ABCB7: variants seen among roughly 807,000 people sequenced by gnomAD.
ABCB7 encodes iron-sulfur clusters transporter ABCB7, mitochondrial.
A neutral mutation model predicts 54.4 loss-of-function variants in ABCB7; 7 were observed. The ratio of observed to expected loss-of-function variants is 0.13; its 90% CI spans 0.07 to 0.24. The LOEUF (loss-of-function observed/expected upper bound fraction) is 0.24, where lower values mean the gene tolerates loss of function less well. Among genes scored for constraint, ABCB7 ranks in the 10% least tolerant of loss-of-function variants. ABCB7 has a pLI of 1.00. For synonymous variants in ABCB7, 218 were observed against 207.1 expected (o/e 1.05, Z -0.45); for missense variants, 356 against 570.4 (o/e 0.62, Z 3.83).
At chrX:75,088,861 A>C (rs1027062515) in intron 4 of ABCB7, among the ~76,000 whole-genome samples, 1 of 108,919 alleles carries the variant, frequency 9.2e-6, no homozygotes, top group East Asian at 2.9e-4. Context: ...AAAAAAACAC[A>C]ACAACAACAA....
chrX:75,087,395 T>A (rs1001515849), intron 4 of ABCB7, among the ~76,000 whole-genome samples: 1 of 112,301 alleles, frequency 8.9e-6, no homozygotes, highest in African/African-American at 3.2e-5. Flanking sequence ...ACAAAGCAGT[T>A]ATGTAAGTTG....
rs150350663 is a variant in ABCB7, at chrX:75,122,401, T to C, written c.169-7570A>G. 1.7e-4 allele frequency among the ~76,000 whole-genome samples: 13 copies of C among 78,502 alleles called. No individual in the cohort carries two copies. In the East Asian group the frequency reaches 3.6e-3, roughly 22 times the overall value. 68.2% of individuals were successfully genotyped at this position (78,502 alleles called of 115,157 possible). ...TCTTGTTTAGCATATAATCAAGAAATAACCATAAAAATGGGCGAGCAGCAG... is the reference window on the plus strand; with the variant it reads ...TCTTGTTTAGCATATAATCAAGAAACAACCATAAAAATGGGCGAGCAGCAG... On this transcript the variant is annotated intron_variant, in intron 1 of 15. Coordinates refer to ENST00000373394, the MANE Select transcript of ABCB7 (RefSeq NM_001271696.3).
In ABCB7 at chrX:75,053,428, T is replaced by G. The variant is rs1434162226; in HGVS notation, c.2201A>C (p.Lys734Thr). 5.0e-6 allele frequency: 6 copies of G among 1,209,709 alleles called. No homozygotes were observed. The highest frequency in any genetic ancestry group is 6.7e-6 in the Non-Finnish European group (6 of 894,636). ...KENISKEEER[K>T]KLQEEIVNSV... ...ATTGACAATTTCTTCTTGTAGTTTC[T>G]TTCTTTCCTCCTCTTTGGATATATT... The change falls in exon 16 of 16, where the codon AAG (lysine) becomes ACG (threonine). Residue 734 changes from lysine to threonine, a missense_variant. By Grantham distance (78) the Lys-to-Thr change is moderately conservative. Around this residue, in one of 2 missense-constraint regions of ABCB7, gnomAD observed 241 missense variants for 470.9 expected, o/e 0.51. Coordinates refer to ENST00000373394, the MANE Select transcript of ABCB7 (RefSeq NM_001271696.3).
intron 4 of ABCB7, among the ~76,000 whole-genome samples, chrX:75,088,309 G>A (rs1203079015): frequency 1.8e-5 from 2 of 112,533 alleles, no homozygotes; most frequent in Non-Finnish European, 3.8e-5. Context: ...GCAAAGAAGA[G>A]TCTGAATAGA....
intron 14 of ABCB7, among the ~76,000 whole-genome samples, chrX:75,060,576 T>G (rs1473409569): frequency 3.6e-5 from 4 of 111,493 alleles, no homozygotes; most frequent in African/African-American, 6.5e-5. Flanking sequence ...TAGGCAACAT[T>G]TCTCCAAGTT....
rs139977931 is a variant in ABCB7 at position 75,135,549 on chromosome X, C to T, written c.168+20556G>A. ...AAAAAAGAAAACTTCAGGCCAATAT[C>T]CCCGACCAACATAGATTTAAAAATC... On this transcript the variant is annotated intron_variant, in intron 1 of 15. Coordinates refer to ENST00000373394, the MANE Select transcript of ABCB7 (RefSeq NM_001271696.3). Among the ~76,000 whole-genome samples the T allele has an allele frequency of 5.4e-4, 60 of 111,499 alleles. 1 individual carries two copies. In the East Asian group the frequency reaches 0.016, roughly 31 times the overall value.
intron 4 of ABCB7, among the ~76,000 whole-genome samples, chrX:75,095,011 G>A (rs1416069100): frequency 9.1e-6 from 1 of 110,066 alleles, no homozygotes; most frequent in Non-Finnish European, 1.9e-5. Flanking sequence ...AATATCATTT[G>A]TCTTTAAAAT....
At chrX:75,136,597 C>CA (rs2082011556) in intron 1 of ABCB7, among the ~76,000 whole-genome samples, 7 of 111,242 alleles carry the variant, frequency 6.3e-5, no homozygotes, top group African/African-American at 2.3e-4. Flanking sequence ...AACAAAAAAG[C>CA]TGGAGGCATG....
At chrX:75,094,391 G>C (rs1259483967) in intron 4 of ABCB7, among the ~76,000 whole-genome samples, 2 of 111,486 alleles carry the variant, frequency 1.8e-5, no homozygotes, top group Non-Finnish European at 3.8e-5. Flanking sequence ...ATCCTGGCAT[G>C]GTTGTATGTA....
intron 1 of ABCB7, among the ~76,000 whole-genome samples, chrX:75,121,118 G>A (rs1304534835): frequency 7.3e-5 from 8 of 109,044 alleles, no homozygotes; most frequent in Admixed American, 9.8e-5. Flanking sequence ...ACGAAACCCC[G>A]TCTCTAATAA....
At chrX:75,122,479 C>A (rs753494307) in intron 1 of ABCB7, among the ~76,000 whole-genome samples, 32 of 112,865 alleles carry the variant, frequency 2.8e-4, no homozygotes, top group African/African-American at 1.0e-3. Context: ...CTGCAATGAA[C>A]ATGGGCATGC....
chrX:75,098,308 CAAA>C (rs775704746), intron 4 of ABCB7, among the ~76,000 whole-genome samples: 5 of 62,444 alleles, frequency 8.0e-5, no homozygotes, highest in African/African-American at 5.9e-5. Flanking sequence ...GACTCTGTAT[CAAA>C]AAAAAAAAAA....
chrX:75,137,506 C>T (rs1487908663), intron 1 of ABCB7, among the ~76,000 whole-genome samples: 1 of 112,223 alleles, frequency 8.9e-6, no homozygotes, highest in Non-Finnish European at 1.9e-5. Flanking sequence ...AATTACCATT[C>T]GATCCAGCAA....
At chrX:75,152,417 TA>T (rs779424307) in intron 1 of ABCB7, among the ~76,000 whole-genome samples, 2 of 112,059 alleles carry the variant, frequency 1.8e-5, no homozygotes, top group African/African-American at 6.5e-5. Context: ...CACCAGACAC[TA>T]AATCTGTCAG....
chrX:75,079,225 T>C (rs2081435597), intron 4 of ABCB7, among the ~76,000 whole-genome samples: 1 of 112,137 alleles, frequency 8.9e-6, no homozygotes, highest in African/African-American at 3.2e-5. Context: ...AGTATGGCGC[T>C]ACCTCTAATA....
intron 4 of ABCB7, among the ~76,000 whole-genome samples, chrX:75,080,097 T>C (rs1049838829): frequency 8.9e-6 from 1 of 112,310 alleles, no homozygotes; most frequent in African/African-American, 3.2e-5. Context: ...TGTACTAGAA[T>C]TTATTCAACC....
intron 4 of ABCB7, among the ~76,000 whole-genome samples, chrX:75,095,066 G>C (rs1019676258): frequency 9.1e-6 from 1 of 110,158 alleles, no homozygotes; most frequent in Non-Finnish European, 1.9e-5. Context: ...AGAATCAAAA[G>C]AGCATTAAAA....
chrX:75,121,429 A>T lies in ABCB7; in HGVS notation c.169-6598T>A, dbSNP rs73218154. The stretch of plus-strand genomic sequence containing the variant: ...AAAATCGGAGACTGGAGAGAAAAAA[A>T]AGTATGTTTCAAGAACTATGGTATA... On this transcript the variant is annotated intron_variant, in intron 1 of 15. Transcript: ENST00000373394. Among the ~76,000 whole-genome samples, 486 of 112,037 alleles carry T rather than the reference A, an allele frequency of 4.3e-3. 2 individuals are homozygous for T. Among genetic ancestry groups the T allele is most frequent in the South Asian group, 0.013 (35 of 2,681 alleles).
intron 14 of ABCB7, among the ~76,000 whole-genome samples, chrX:75,060,893 A>G (rs931202083): frequency 8.9e-6 from 1 of 111,781 alleles, no homozygotes; most frequent in African/African-American, 3.2e-5. Context: ...CATCCGGGAA[A>G]TACATTTTTG....
Sources: gnomAD v4.1 joint callset for allele counts (sites outside exome capture counted in the v4.1 genomes callset) on GRCh38, gnomAD v4.1.1 for gene constraint, gnomAD v4.1.1 regional missense constraint, MANE v1.5 for transcripts, NCBI Gene and HGNC (gene_info 2026-07-23, HGNC 2026-07-21) for gene names.